DOCK1: variants seen among roughly 807,000 people sequenced by gnomAD.
DOCK1 encodes dedicator of cytokinesis 1, also known as dedicator of cytokinesis protein 1.
Under a neutral mutation model 262.7 loss-of-function variants are expected in DOCK1, and 138 were observed. The observed-to-expected ratio is 0.53, with a 90% confidence interval of 0.46 to 0.61. DOCK1 has a LOEUF of 0.61. Ranked by LOEUF, DOCK1 falls within the 20% of genes least tolerant of loss-of-function variation. The probability of loss-of-function intolerance (pLI) is 0.00; values close to 1 mark genes in which losing one functional copy is unlikely to be tolerated. For synonymous variants in DOCK1, 866 were observed against 867.4 expected, an observed-to-expected ratio of 1.00 and a Z score of 0.03; for missense variants, 1,908 against 2,370.7, an observed-to-expected ratio of 0.80 and a Z score of 4.05.
At chr10:127,007,304 A>C (rs1256713153) in intron 10 of DOCK1, 1 of 152,124 alleles carries the variant, frequency 6.6e-6, no homozygotes, top group African/African-American at 2.4e-5. Flanking sequence ...GGTTCTATGT[A>C]TCCCTCCTCC....
At chr10:127,435,882 G>A (rs1024993557) in intron 48 of DOCK1, among the ~76,000 whole-genome samples, 1 of 152,190 alleles carries the variant, frequency 6.6e-6, no homozygotes, top group Non-Finnish European at 1.5e-5. Flanking sequence ...CATCCTGTAG[G>A]CAGTTGCTTC....
chr10:127,058,626 G>A (rs1244336791), intron 22 of DOCK1, among the ~76,000 whole-genome samples: 1 of 150,408 alleles, frequency 6.6e-6, no homozygotes, highest in Non-Finnish European at 1.5e-5. Context: ...CTTTTTTTAA[G>A]CATCTCATTT....
intron 27 of DOCK1, among the ~76,000 whole-genome samples, chr10:127,216,112 T>C (rs2058198016): frequency 6.6e-6 from 1 of 151,746 alleles, no homozygotes; most frequent in Admixed American, 6.6e-5. Context: ...CCCCAGGAGG[T>C]AGGGAAGGGG....
chr10:126,948,666 A>T (rs899894178), intron 1 of DOCK1, among the ~76,000 whole-genome samples: 3 of 152,012 alleles, frequency 2.0e-5, no homozygotes, highest in South Asian at 2.1e-4. Context: ...GCTGAGCCAG[A>T]GGCACTGCTT....
At chr10:127,327,764 G>A (rs2062806643) in intron 29 of DOCK1, among the ~76,000 whole-genome samples, 2 of 152,128 alleles carry the variant, frequency 1.3e-5, no homozygotes, top group Non-Finnish European at 1.5e-5. Flanking sequence ...TATAGACACT[G>A]AGGCTTCTAA....
intron 27 of DOCK1, chr10:127,136,946 T>C (rs968748667): frequency 6.6e-6 from 1 of 152,622 alleles, no homozygotes; most frequent in Non-Finnish European, 1.5e-5. Context: ...TGGCACAGAA[T>C]GCCTGTGATT....
intron 27 of DOCK1, among the ~76,000 whole-genome samples, chr10:127,159,206 T>A (rs1010878533): frequency 3.9e-5 from 6 of 152,210 alleles, no homozygotes; most frequent in African/African-American, 1.4e-4. Context: ...GTCATTTACA[T>A]TTCTGTTTTG....
intron 1 of DOCK1, among the ~76,000 whole-genome samples, chr10:126,959,211 A>C (rs2036995598): frequency 6.6e-6 from 1 of 152,190 alleles, no homozygotes; most frequent in Admixed American, 6.5e-5. Flanking sequence ...TAGGTGACAA[A>C]TGTTTCCTAT....
At chr10:127,115,411 C>T (rs1239411109) in intron 25 of DOCK1, among the ~76,000 whole-genome samples, 2 of 152,094 alleles carry the variant, frequency 1.3e-5, no homozygotes. Flanking sequence ...ACATGCTTCA[C>T]CAAAAGATGA....
intron 4 of DOCK1, among the ~76,000 whole-genome samples, chr10:126,985,671 C>T (rs1565032533): frequency 6.6e-6 from 1 of 152,188 alleles, no homozygotes; most frequent in Non-Finnish European, 1.5e-5. Flanking sequence ...GATCCTCATA[C>T]TGTGAGTGGA....
chr10:127,170,686 T>TAA (rs1452030808), intron 27 of DOCK1, among the ~76,000 whole-genome samples: 1 of 152,192 alleles, frequency 6.6e-6, no homozygotes, highest in Non-Finnish European at 1.5e-5. Context: ...CCATAGCTGC[T>TAA]ACAGTGAATT....
At chr10:127,113,920 G>A (rs1345224336) in intron 25 of DOCK1, among the ~76,000 whole-genome samples, 1 of 152,180 alleles carries the variant, frequency 6.6e-6, no homozygotes, top group Non-Finnish European at 1.5e-5. Context: ...GCTAATCTCT[G>A]CTGGAAACAT....
intron 21 of DOCK1, among the ~76,000 whole-genome samples, chr10:127,044,773 G>T (rs758844931): frequency 1.3e-5 from 2 of 152,206 alleles, no homozygotes; most frequent in East Asian, 1.9e-4. Context: ...ATGCTGTGCT[G>T]TTGGGGAAGG....
intron 27 of DOCK1, among the ~76,000 whole-genome samples, chr10:127,142,185 A>C (rs993144007): frequency 6.6e-6 from 1 of 152,202 alleles, no homozygotes; most frequent in Non-Finnish European, 1.5e-5. Context: ...AGGCCACCAG[A>C]CGTGCTGTGT....
chr10:126,999,934 C>A (rs1239821417), intron 9 of DOCK1, among the ~76,000 whole-genome samples: 2 of 152,210 alleles, frequency 1.3e-5, no homozygotes, highest in Non-Finnish European at 2.9e-5. Flanking sequence ...CTCGGCCTTC[C>A]AAAGTGCTGG....
At chr10:126,908,065 C>T (rs974035229) in intron 1 of DOCK1, among the ~76,000 whole-genome samples, 1 of 151,352 alleles carries the variant, frequency 6.6e-6, no homozygotes, top group Non-Finnish European at 1.5e-5. Context: ...GCTGGGTAGA[C>T]AGTAATGAGA....
At chr10:127,420,200 C>A (rs148846215) in intron 46 of DOCK1, among the ~76,000 whole-genome samples, 302 of 152,298 alleles carry the variant, frequency 2.0e-3, no homozygotes, top group Middle Eastern at 0.01. Flanking sequence ...TGGTGTGCGT[C>A]CTCATCTGTG....
At chr10:127,177,667 G>T (rs958663054) in intron 27 of DOCK1, among the ~76,000 whole-genome samples, 1 of 152,208 alleles carries the variant, frequency 6.6e-6, no homozygotes, top group African/African-American at 2.4e-5. Context: ...TGCCGACCTT[G>T]TGCCCTGTCC....
At chr10:127,320,111 C>G (rs2062453866) in intron 29 of DOCK1, among the ~76,000 whole-genome samples, 1 of 152,052 alleles carries the variant, frequency 6.6e-6, no homozygotes. Flanking sequence ...TAGGTTTTTT[C>G]CTTTTCTTCC....
Sources: gnomAD v4.1 joint callset for allele counts (sites outside exome capture counted in the v4.1 genomes callset) on GRCh38, gnomAD v4.1.1 for gene constraint, MANE v1.5 for transcripts, NCBI Gene and HGNC (gene_info 2026-07-23, HGNC 2026-07-21) for gene names.